The following ST7 variants were observed in gnomAD, a reference collection of about 807,000 sequenced individuals.
ST7 encodes suppressor of tumorigenicity 7 protein.
ST7 carries 28 observed loss-of-function variants against 78.7 expected under a neutral mutation model. That is an observed-to-expected ratio of 0.36 (90% CI 0.26 to 0.49). ST7 has a LOEUF of 0.49. Among genes scored for constraint, ST7 ranks in the 20% least tolerant of loss-of-function variants. The pLI, the probability that ST7 is intolerant of heterozygous loss-of-function variation, is 0.99. For synonymous variants in ST7, 247 were observed against 249.6 expected, an observed-to-expected ratio of 0.99 and a Z score of 0.10; for missense variants, 418 against 696.0, an observed-to-expected ratio of 0.60 and a Z score of 4.49.
rs578117278 is a variant in ST7, at chr7:117,116,868, T to C, written c.235-2693T>C. Among the ~76,000 whole-genome samples, 4 of 152,334 alleles carry C rather than the reference T, an allele frequency of 2.6e-5. 1 individual carries two copies. The highest frequency in any genetic ancestry group is 9.6e-5 in the African/African-American group (4 of 41,588). On this transcript the variant is annotated intron_variant, in intron 2 of 15. Transcript: ENST00000323984. Reference sequence around the variant, plus strand: ...GCAAATGTCCAGTTAATATGAGTCATTTTTTACCTTAGGATGAATAATCTG... The same window carrying C: ...GCAAATGTCCAGTTAATATGAGTCACTTTTTACCTTAGGATGAATAATCTG...
intron 10 of ST7, chr7:117,187,888 A>T (rs1404310922): frequency 6.6e-6 from 1 of 152,214 alleles, no homozygotes; most frequent in East Asian, 1.9e-4. Context: ...GATTCCCCAC[A>T]CTGGAAAGCT....
Position 117,099,863 on chromosome 7 carries a change from C to T in ST7, c.234+19C>T. 1 of 1,597,320 alleles carries T rather than the reference C, an allele frequency of 6.3e-7. No individual in the cohort carries two copies. ...TATTTTGGTAAGTGGTGGAGTCCTT[C>T]TCATTTAAAAACATGCTGATTAGTA... On this transcript the variant is annotated intron_variant, in intron 2 of 15. Coordinates refer to ENST00000323984, the MANE Select transcript of ST7 (RefSeq NM_001369598.1).
intron 1 of ST7, among the ~76,000 whole-genome samples, chr7:117,056,612 C>T (rs1056209596): frequency 6.6e-6 from 1 of 151,346 alleles, no homozygotes; most frequent in East Asian, 1.9e-4. Flanking sequence ...CCAGCCTGGG[C>T]AACAAGAGCG....
chr7:117,057,438 C>T (rs1401725004), intron 1 of ST7, among the ~76,000 whole-genome samples: 4 of 151,996 alleles, frequency 2.6e-5, no homozygotes, highest in Admixed American at 1.3e-4. Context: ...ATTGTTGATT[C>T]GTTGTGAATT....
chr7:117,053,212 C>A (rs1055552462), intron 1 of ST7, among the ~76,000 whole-genome samples: 5 of 152,130 alleles, frequency 3.3e-5, no homozygotes, highest in Non-Finnish European at 7.4e-5. Flanking sequence ...TCTACTCAAA[C>A]CAAAATAGTT....
Position 117,033,897 on chromosome 7 carries a change from C to T in ST7, c.152-65865C>T, listed in dbSNP as rs1044109961. On this transcript the variant is annotated intron_variant, in intron 1 of 15. Coordinates refer to ENST00000323984, the MANE Select transcript of ST7 (RefSeq NM_001369598.1). ...TCTTACCCTGTAAAGTAGGCTTATA[C>T]TGTGTCATGGAGCTGCTATGAGGTC... Among the ~76,000 whole-genome samples the T allele has an allele frequency of 7.2e-5, 11 of 152,222 alleles. No homozygotes were observed. In the South Asian group the frequency reaches 2.1e-3, roughly 29 times the overall value.
chr7:117,208,072 TAATATA>T (rs1791942350), intron 12 of ST7, among the ~76,000 whole-genome samples: 1 of 152,226 alleles, frequency 6.6e-6, no homozygotes, highest in Admixed American at 6.5e-5. Flanking sequence ...AAATCCACCA[TAATATA>T]AATATAATTA....
intron 2 of ST7, among the ~76,000 whole-genome samples, chr7:117,110,068 C>G (rs1318708350): frequency 1.3e-5 from 2 of 152,156 alleles, no homozygotes; most frequent in Admixed American, 1.3e-4. Flanking sequence ...TTGGTAAATT[C>G]TTACTAAATA....
chr7:117,070,758 A>G (rs1798897094), intron 1 of ST7, among the ~76,000 whole-genome samples: 1 of 151,768 alleles, frequency 6.6e-6, no homozygotes, highest in Non-Finnish European at 1.5e-5. Context: ...TTAGCCAGGA[A>G]GGTCTCAATC....
At chr7:117,153,272 T>C (rs1439470557) in intron 9 of ST7, among the ~76,000 whole-genome samples, 1 of 152,172 alleles carries the variant, frequency 6.6e-6, no homozygotes, top group Non-Finnish European at 1.5e-5. Context: ...ATTTCAGCTT[T>C]AGATCTGCTA....
chr7:117,141,772 T>C (rs1156451959), intron 9 of ST7, among the ~76,000 whole-genome samples: 1 of 152,096 alleles, frequency 6.6e-6, no homozygotes. Context: ...CAAGCTCAAG[T>C]TGTTTCCCCA....
intron 7 of ST7, among the ~76,000 whole-genome samples, 174 bp from the exon 8 acceptor site, chr7:117,135,907 A>C (rs570507610): frequency 6.6e-6 from 1 of 152,290 alleles, no homozygotes; most frequent in East Asian, 1.9e-4. Context: ...GCTAAAATAC[A>C]GATGTTTCTT....
chr7:117,106,811 G>A (rs1353510188), intron 2 of ST7, among the ~76,000 whole-genome samples: 3 of 151,652 alleles, frequency 2.0e-5, no homozygotes, highest in East Asian at 1.9e-4. Context: ...TAGTAGAGAC[G>A]GGGTTTCACC....
At chr7:117,017,854 T>G (rs144073532) in intron 1 of ST7, among the ~76,000 whole-genome samples, 1 of 152,258 alleles carries the variant, frequency 6.6e-6, no homozygotes, top group Non-Finnish European at 1.5e-5. Context: ...GCCTCAGGCC[T>G]CCACATAACA....
At chr7:117,113,555 A>T (rs535748613) in intron 2 of ST7, among the ~76,000 whole-genome samples, 55 of 152,350 alleles carry the variant, frequency 3.6e-4, no homozygotes, top group African/African-American at 1.3e-3. Flanking sequence ...ACCAATGCTT[A>T]GCACATTTAT....
At chr7:117,201,572 T>TC (rs1810856617) in intron 12 of ST7, among the ~76,000 whole-genome samples, 1 of 151,526 alleles carries the variant, frequency 6.6e-6, no homozygotes, top group African/African-American at 2.4e-5. Flanking sequence ...TTTTTTTTTT[T>TC]CCATGAGACA....
chr7:117,174,767 C>T (rs956194914), intron 10 of ST7, among the ~76,000 whole-genome samples: 1 of 152,174 alleles, frequency 6.6e-6, no homozygotes, highest in Non-Finnish European at 1.5e-5. Context: ...CTCACAATAA[C>T]CCTGCAAGGA....
intron 10 of ST7, among the ~76,000 whole-genome samples, chr7:117,182,028 C>T (rs1207405672): frequency 6.6e-6 from 1 of 152,132 alleles, no homozygotes; most frequent in Non-Finnish European, 1.5e-5. Context: ...CAGACTGTTG[C>T]AAATTGAGGG....
At chr7:117,177,238 T>C (rs1476834497) in intron 10 of ST7, among the ~76,000 whole-genome samples, 1 of 152,176 alleles carries the variant, frequency 6.6e-6, no homozygotes, top group Non-Finnish European at 1.5e-5. Context: ...GAACTATATA[T>C]TGCATTGAGC....
Sources: allele counts gnomAD v4.1 joint callset (sites outside exome capture counted in the v4.1 genomes callset), GRCh38; gene constraint gnomAD v4.1.1; transcripts MANE v1.5; gene names NCBI Gene and HGNC (gene_info 2026-07-23, HGNC 2026-07-21).